Variants in RHOQ observed in about 807,000 individuals in gnomAD.
RHOQ encodes ras homolog family member Q.
RHOQ carries 7 observed loss-of-function variants against 25.8 expected under a neutral mutation model. That is an observed-to-expected ratio of 0.27 (90% CI 0.15 to 0.51). The LOEUF is 0.51. RHOQ is among the 20% of genes least tolerant of loss of function. The probability of loss-of-function intolerance (pLI) is 0.97; values close to 1 mark genes in which losing one functional copy is unlikely to be tolerated. For synonymous variants in RHOQ, 97 were observed against 98.6 expected (o/e 0.98, Z 0.10); for missense variants, 165 against 260.6 (o/e 0.63, Z 2.53).
At chr2:46,563,029 T>C (rs927328528) in intron 2 of RHOQ, among the ~76,000 whole-genome samples, 1 of 152,188 alleles carries the variant, frequency 6.6e-6, no homozygotes, top group Non-Finnish European at 1.5e-5. Flanking sequence ...CTTTTCCCAG[T>C]GTTTAAGAGG....
chr2:46,578,990 A>G (rs1669243970), intron 4 of RHOQ, among the ~76,000 whole-genome samples: 1 of 152,186 alleles, frequency 6.6e-6, no homozygotes, highest in South Asian at 2.1e-4. Flanking sequence ...TTAATAATAA[A>G]AGTAAATTAT....
chr2:46,582,986 C>A lies in RHOQ; in HGVS notation c.*1903C>A, dbSNP rs1298452693. The A allele has an allele frequency of 6.6e-6, 1 of 152,044 alleles. No homozygotes were observed. Among genetic ancestry groups the A allele is most frequent in the African/African-American group, 2.4e-5 (1 of 41,400 alleles). The allele number at this position is 152,044 out of a possible 1,614,324, so 9.4% of individuals were successfully genotyped here. A position where few individuals can be genotyped will look rare whatever the true frequency, so the allele number is the denominator to read the frequency against. ...CTCAAATGGAATCTTATGTAACTTT[C>A]TTATTTAATTTTGGTCTGCTTATTT... On this transcript the variant is annotated 3_prime_UTR_variant, in exon 5 of 5. Transcript: ENST00000238738.
rs1202598264 is a variant in RHOQ at position 46,556,730 on chromosome 2, A to G, written c.201+12918A>G. 6.6e-6 allele frequency among the ~76,000 whole-genome samples: 1 copy of G among 152,172 alleles called. No homozygotes were observed. The highest frequency in any genetic ancestry group is 1.5e-5 in the Non-Finnish European group (1 of 68,034). On this transcript the variant is annotated intron_variant, in intron 2 of 4. Coordinates refer to ENST00000238738, the MANE Select transcript of RHOQ (RefSeq NM_012249.4). The surrounding 1 kb of genome is among the most constrained non-coding windows in gnomAD (Gnocchi z 4.9). Reference sequence around the variant, plus strand: ...GATGAATAGAGCTGGCCAGAATGCAAGTAGAAAATGGGATGTGCATATAAA... The same window carrying G: ...GATGAATAGAGCTGGCCAGAATGCAGGTAGAAAATGGGATGTGCATATAAA...
intron 2 of RHOQ, among the ~76,000 whole-genome samples, chr2:46,567,205 C>G (rs1375106043): frequency 6.6e-6 from 1 of 152,086 alleles, no homozygotes; most frequent in East Asian, 1.9e-4. Context: ...GCTGACTACT[C>G]CAGAAATCAT....
rs928847826 is a variant in RHOQ at position 46,555,723 on chromosome 2, T to C, written c.201+11911T>C. Among the ~76,000 whole-genome samples, 2 of 152,208 alleles carry C rather than the reference T, an allele frequency of 1.3e-5. No homozygotes were observed. Among genetic ancestry groups the C allele is most frequent in the African/African-American group, 4.8e-5 (2 of 41,452 alleles). ...AGCAAGTCTAGACCTGTAGGAGTCC[T>C]TCACTGGGCTTTATGTCAGGTGTGC... On this transcript the variant is annotated intron_variant, in intron 2 of 4. Transcript: ENST00000238738. The surrounding 1 kb of genome is among the most constrained non-coding windows in gnomAD (Gnocchi z 4.3).
rs774019662 is a variant in RHOQ, at chr2:46,580,928, A to G, written c.463A>G (p.Ile155Val). The change falls in exon 5 of 5, where the codon ATA becomes GTA. Residue 155 changes from isoleucine (I) to valine (V), a missense_variant and splice_region_variant. Coordinates refer to ENST00000238738, the MANE Select transcript of RHOQ (RefSeq NM_012249.4). ...VEQGQKLAKE[I>V]GACCYVECSA... ...TTGTGATTTTTTTTCTCCCTCCCAG[A>G]TAGGAGCATGCTGCTATGTGGAATG... The G allele has an allele frequency of 5.4e-6, 8 of 1,494,148 alleles. No homozygotes were observed. Among genetic ancestry groups the G allele is most frequent in the Middle Eastern group, 2.5e-4 (1 of 3,986 alleles). 92.6% of individuals were successfully genotyped at this position (1,494,148 alleles called of 1,614,324 possible).
In RHOQ at chr2:46,572,442, AT is replaced by A. The variant is rs139512141; in HGVS notation, c.202-3644del. ...TAAAGTAAGGTTGTCATTATCACAT[AT>A]CGAGGACTCTTCAACAAGGGACAGC... is the stretch of plus-strand genomic sequence containing the variant. On this transcript the variant is annotated intron_variant, in intron 2 of 4. Transcript: ENST00000238738. Among the ~76,000 whole-genome samples the A allele has an allele frequency of 2.2e-3, 336 of 152,224 alleles. 3 individuals are homozygous for A. The highest frequency in any genetic ancestry group is 7.4e-3 in the African/African-American group (309 of 41,510).
At chr2:46,561,001 AACACAC>A (rs61040858) in intron 2 of RHOQ, among the ~76,000 whole-genome samples, 59,742 of 141,138 alleles carry the variant, frequency 0.42, 12,399 homozygotes, top group African/African-American at 0.5. Flanking sequence ...AGACCCCATA[AACACAC>A]ACACACACAC....
At chr2:46,554,283 G>A (rs978839328) in intron 2 of RHOQ, among the ~76,000 whole-genome samples, 18 of 152,144 alleles carry the variant, frequency 1.2e-4, no homozygotes, top group Non-Finnish European at 5.9e-5. Flanking sequence ...TTCACCTGGT[G>A]GAGAAGGGCC....
In RHOQ at chr2:46,556,679, C is replaced by T. The variant is rs1170576319; in HGVS notation, c.201+12867C>T. Among the ~76,000 whole-genome samples the T allele has an allele frequency of 2.0e-5, 3 of 151,962 alleles. No individual in the cohort carries two copies. Among genetic ancestry groups the T allele is most frequent in the Admixed American group, 6.6e-5 (1 of 15,246 alleles). On this transcript the variant is annotated intron_variant, in intron 2 of 4. Coordinates refer to ENST00000238738, the MANE Select transcript of RHOQ (RefSeq NM_012249.4). This position sits in a 1 kb window ranked among gnomAD's most constrained non-coding sequence, Gnocchi z 4.9. Reference sequence around the variant, plus strand: ...ATTCCATCCGATCGGGTTCTTCCCCCGTAGGAGTTTACAGTCCAGTTGGAA... The same window carrying T: ...ATTCCATCCGATCGGGTTCTTCCCCTGTAGGAGTTTACAGTCCAGTTGGAA...
chr2:46,577,586 T>TTTC (rs1669178311), intron 4 of RHOQ, among the ~76,000 whole-genome samples: 1 of 146,342 alleles, frequency 6.8e-6, no homozygotes, highest in Non-Finnish European at 1.5e-5. Flanking sequence ...TTTTTTTTTT[T>TTTC]TTTCATTTTT....
rs1158433279 is a variant in RHOQ at position 46,584,397 on chromosome 2, T to C, written c.*3314T>C. The stretch of plus-strand genomic sequence containing the variant: ...GCTCACTGTTAAAGTATAGGGAGAA[T>C]AGTAATCCCTCATGAATCCCAGCTA... On this transcript the variant is annotated 3_prime_UTR_variant, in exon 5 of 5. Coordinates refer to ENST00000238738, the MANE Select transcript of RHOQ (RefSeq NM_012249.4). Among the ~76,000 whole-genome samples the C allele has an allele frequency of 2.0e-5, 3 of 152,172 alleles. No homozygotes were observed. The highest frequency in any genetic ancestry group is 7.2e-5 in the African/African-American group (3 of 41,438).
In RHOQ at chr2:46,556,518, G is replaced by C. The variant is rs1027255863; in HGVS notation, c.201+12706G>C. On this transcript the variant is annotated intron_variant, in intron 2 of 4. Coordinates refer to ENST00000238738, the MANE Select transcript of RHOQ (RefSeq NM_012249.4). The surrounding 1 kb of genome is among the most constrained non-coding windows in gnomAD (Gnocchi z 4.9). ...TTTTTTTTGTTCCTTTTAATGCTTG[G>C]GTCTGGACCTTCCAGTGTTCTTGTT... Among the ~76,000 whole-genome samples the C allele has an allele frequency of 6.6e-6, 1 of 150,896 alleles. No individual in the cohort carries two copies. Among genetic ancestry groups the C allele is most frequent in the African/African-American group, 2.4e-5 (1 of 41,022 alleles).
intron 2 of RHOQ, among the ~76,000 whole-genome samples, chr2:46,562,523 T>A (rs1015349967): frequency 1.2e-4 from 18 of 152,182 alleles, no homozygotes; most frequent in African/African-American, 4.1e-4. Flanking sequence ...CCAGGTCCTT[T>A]AGAGTAGGAA....
At chr2:46,573,468 G>A (rs1669003982) in intron 2 of RHOQ, among the ~76,000 whole-genome samples, 2 of 152,294 alleles carry the variant, frequency 1.3e-5, no homozygotes, top group Non-Finnish European at 2.9e-5. Context: ...ACATATGTGT[G>A]TTTTATTTTT....
chr2:46,560,474 T>C (rs930020285), intron 2 of RHOQ: 9 of 433,686 alleles, frequency 2.1e-5, no homozygotes, highest in Non-Finnish European at 3.8e-5. Context: ...GGATATTCTG[T>C]TCAGGGCCAG....
At chr2:46,560,999 TAAACACACAC>T (rs1453998217) in intron 2 of RHOQ, among the ~76,000 whole-genome samples, 2 of 110,218 alleles carry the variant, frequency 1.8e-5, no homozygotes, top group Non-Finnish European at 3.7e-5. Context: ...ATAGACCCCA[TAAACACACAC>T]ACACACACAC....
chr2:46,570,380 C>T (rs949950360), intron 2 of RHOQ, among the ~76,000 whole-genome samples: 1 of 151,604 alleles, frequency 6.6e-6, no homozygotes, highest in East Asian at 1.9e-4. Context: ...GCAGAGGTGG[C>T]AGTGAGCCGA....
At chr2:46,563,027 A>C (rs1668620561) in intron 2 of RHOQ, among the ~76,000 whole-genome samples, 1 of 152,182 alleles carries the variant, frequency 6.6e-6, no homozygotes, top group Non-Finnish European at 1.5e-5. Context: ...TTCTTTTCCC[A>C]GTGTTTAAGA....
Sources: gnomAD v4.1 joint callset for allele counts (sites outside exome capture counted in the v4.1 genomes callset) on GRCh38, gnomAD v4.1.1 for gene constraint, Gnocchi (gnomAD v3.1) non-coding constraint, MANE v1.5 for transcripts, NCBI Gene and HGNC (gene_info 2026-07-23, HGNC 2026-07-21) for gene names.